Variants in DNAH10 observed in about 807,000 individuals in gnomAD.
The protein encoded by DNAH10 is axonemal beta dynein heavy chain 10.
In DNAH10, 348 loss-of-function variants were observed where a neutral mutation model predicts 506.6. That is an observed-to-expected ratio of 0.69 (90% CI 0.63 to 0.75). DNAH10 has a LOEUF of 0.75. DNAH10 is among the 30% of genes least tolerant of loss of function. DNAH10 has a pLI of 0.00. For missense variants in DNAH10, 5,179 were observed against 5,787.1 expected (o/e 0.89, Z 3.41); for synonymous variants, 2,059 against 2,198.6 (o/e 0.94, Z 1.78).
At position 123,909,293 on chromosome 12, in the gene DNAH10, C is replaced by G. The variant is rs191384577; in HGVS notation, c.9848C>G (p.Thr3283Arg). 41 of 1,613,340 alleles carry G rather than the reference C, an allele frequency of 2.5e-5. No homozygotes were observed. Among genetic ancestry groups the G allele is most frequent in the Non-Finnish European group, 3.3e-5 (39 of 1,179,766 alleles). Residue 3283 changes from threonine (T) to arginine (R), a missense_variant, in exon 58 of 79, where the codon ACG becomes AGG. Physicochemically the swap from Thr to Arg is moderately conservative, Grantham distance 71. Transcript: ENST00000673944. This position sits in a 1 kb window ranked among gnomAD's most constrained non-coding sequence, Gnocchi z 5.4. ...GCTAAGCCCCCGAAGCAGGTGCAGA[C>G]GGTCTGCGAATGCATCCTCATCATG... ...SFAKPPKQVQ[T>R]VCECILIMKG...
At chr12:123,793,125 G>A (rs908058943) in intron 11 of DNAH10, among the ~76,000 whole-genome samples, 7 of 152,082 alleles carry the variant, frequency 4.6e-5, no homozygotes, top group African/African-American at 1.4e-4. Flanking sequence ...AGAATGGAGT[G>A]GGGGTGGGAG....
chr12:123,908,480 C>T, intron 57 of DNAH10: 2 of 456,252 alleles, frequency 4.4e-6, no homozygotes, highest in South Asian at 1.5e-5. Flanking sequence ...TGTTCTCTTC[C>T]ACTTCTGTCT....
At chr12:123,894,843 A>G in intron 54 of DNAH10, 120 bp downstream of exon 54, 1 of 854,984 alleles carries the variant, frequency 1.2e-6, no homozygotes, top group East Asian at 2.7e-5. Flanking sequence ...ATGGTAACAA[A>G]TGGCTTTCAA....
At chr12:123,782,341 C>CTCCCT (rs1489276785) in intron 6 of DNAH10, among the ~76,000 whole-genome samples, 18 of 128,462 alleles carry the variant, frequency 1.4e-4, no homozygotes. Context: ...CTCCCCTCCC[C>CTCCCT]TCCCCTCCCC....
chr12:123,898,007 T>A, intron 55 of DNAH10, 40 bp downstream of exon 55: 10 of 1,507,152 alleles, frequency 6.6e-6, no homozygotes, highest in Non-Finnish European at 8.8e-6. Context: ...AAGTCATTAT[T>A]ATTTATGGGT....
intron 24 of DNAH10, 106 bp from the exon 25 acceptor site, chr12:123,826,581 T>TAATA: frequency 1.1e-6 from 1 of 941,032 alleles, no homozygotes; most frequent in Non-Finnish European, 1.6e-6. Flanking sequence ...GATAGATGGG[T>TAATA]AATACTTTAA....
rs1955460860 is a variant in DNAH10, at chr12:123,935,562, C to A, written c.*81C>A. 3.5e-6 allele frequency: 5 copies of A among 1,425,156 alleles called. No homozygotes were observed. The highest frequency in any genetic ancestry group is 4.8e-6 in the Non-Finnish European group (5 of 1,051,874). 88.3% of individuals were successfully genotyped at this position (1,425,156 alleles called of 1,614,324 possible). On this transcript the variant is annotated 3_prime_UTR_variant, in exon 79 of 79. Coordinates refer to ENST00000673944, the MANE Select transcript of DNAH10 (RefSeq NM_001372106.1). ...TCGGGTCTGCTGTCATTTCTTGGGG[C>A]CTCTCAAGAGGCAGGAGGGGGACTG...
intron 2 of DNAH10, among the ~76,000 whole-genome samples, chr12:123,770,971 ATTC>A (rs1473249533): frequency 1.7e-5 from 2 of 117,888 alleles, no homozygotes; most frequent in Admixed American, 1.1e-4. Flanking sequence ...GCTAGCTGTA[ATTC>A]TTTTTTTTTT....
Position 123,799,254 on chromosome 12 carries a change from A to G in DNAH10, c.2172A>G (p.Gln724=), listed in dbSNP as rs118049936. Reference sequence around the variant, plus strand: ...CTTGAATTCTTTGATAGGTCAAACAAAAATATTTGGAAGTAGGTAGGACAA... The same window carrying G: ...CTTGAATTCTTTGATAGGTCAAACAGAAATATTTGGAAGTAGGTAGGACAA... ...LDSDRGQEVK[Q]KYLEVGRTMK... The change falls in exon 14 of 79, where the codon CAA becomes CAG. Residue 724 remains glutamine (Q), a synonymous_variant. Coordinates refer to ENST00000673944, the MANE Select transcript of DNAH10 (RefSeq NM_001372106.1). 15,287 of 1,607,032 alleles carry G rather than the reference A, an allele frequency of 9.5e-3. 115 individuals carry two copies. Among genetic ancestry groups the G allele is most frequent in the Non-Finnish European group, 0.011 (13,138 of 1,175,340 alleles).
At chr12:123,823,024 C>G (rs1459861663) in intron 24 of DNAH10, among the ~76,000 whole-genome samples, 1 of 152,210 alleles carries the variant, frequency 6.6e-6, no homozygotes, top group African/African-American at 2.4e-5. Flanking sequence ...AATAACCACG[C>G]CCCCAAGATA....
chr12:123,877,712 G>GA (rs756955081), intron 47 of DNAH10, 24 bp from the exon 48 acceptor site: 4 of 1,601,452 alleles, frequency 2.5e-6, no homozygotes, highest in Non-Finnish European at 3.4e-6. Flanking sequence ...TGTGTGTTGG[G>GA]GGGGGTGTCT....
At chr12:123,822,713 T>G (rs188418802) in intron 24 of DNAH10, among the ~76,000 whole-genome samples, 1 of 152,182 alleles carries the variant, frequency 6.6e-6, no homozygotes, top group Admixed American at 6.5e-5. Context: ...TGGTCTGCAG[T>G]TGGCAAGCTA....
At position 123,762,808 on chromosome 12, in the gene DNAH10, C is replaced by T. The variant is rs7968274; in HGVS notation, c.214+258C>T. Among the ~76,000 whole-genome samples the T allele has an allele frequency of 0.015, 2,277 of 152,334 alleles. 45 individuals are homozygous for T. Among genetic ancestry groups the T allele is most frequent in the African/African-American group, 0.052 (2,181 of 41,574 alleles). On this transcript the variant is annotated intron_variant, in intron 1 of 78. Transcript: ENST00000673944. This position sits in a 1 kb window ranked among gnomAD's most constrained non-coding sequence, Gnocchi z 5.0. ...ACAGCAAACACTGACTTAGCCCGCA[C>T]CCCGTGCCAGGTGCGGTTCCAACGC... is the stretch of plus-strand genomic sequence containing the variant.
At chr12:123,781,057 A>T in intron 5 of DNAH10, 23 bp from the exon 6 acceptor site, 1 of 1,572,110 alleles carries the variant, frequency 6.4e-7, no homozygotes. Flanking sequence ...CATATGATGT[A>T]TTTCATAAAA....
chr12:123,796,643 G>C lies in DNAH10; in HGVS notation c.1987-13G>C. On this transcript the variant is annotated splice_polypyrimidine_tract_variant and intron_variant, in intron 12 of 78. Transcript: ENST00000673944. ...TGTTTATCACTTACAGAAGCTGTTT[G>C]ATTGCTTTTCAGATTGACATCATTA... The C allele has an allele frequency of 1.3e-6, 2 of 1,586,768 alleles. No individual in the cohort carries two copies. The highest frequency in any genetic ancestry group is 1.8e-5 in the Admixed American group (1 of 57,132).
chr12:123,773,528 A>G (rs1957332780), intron 4 of DNAH10, among the ~76,000 whole-genome samples: 1 of 152,206 alleles, frequency 6.6e-6, no homozygotes, highest in African/African-American at 2.4e-5. Flanking sequence ...TCACCAACAA[A>G]CATCTATTTC....
chr12:123,877,784 A>G lies in DNAH10; in HGVS notation c.8248A>G (p.Thr2750Ala). ...TGTGAGTGGCAAGCTGACATTCTGC[A>G]CGCTAGCACTTTACAAAAATATTGT... Reference protein sequence around the residue: ...VAVSGKLTFCTLALYKNIVQD... With the variant: ...VAVSGKLTFCALALYKNIVQD... Residue 2750 changes from threonine to alanine, a missense_variant, in exon 48 of 79, where the codon ACG becomes GCG. This residue lies in a region of DNAH10 where 4,844 missense variants were observed against 5,430.5 expected (regional missense o/e 0.89). Coordinates refer to ENST00000673944, the MANE Select transcript of DNAH10 (RefSeq NM_001372106.1). The G allele has an allele frequency of 6.2e-7, 1 of 1,613,844 alleles. No homozygotes were observed. The highest frequency in any genetic ancestry group is 2.2e-5 in the East Asian group (1 of 44,880).
intron 76 of DNAH10, 83 bp from the exon 77 acceptor site, chr12:123,933,248 A>G (rs1566128023): frequency 7.8e-7 from 1 of 1,281,580 alleles, no homozygotes; most frequent in African/African-American, 1.5e-5. Context: ...GTCTTTTATC[A>G]TAAACTAAAC....
At position 123,808,957 on chromosome 12, in the gene DNAH10, A is replaced by T; in HGVS notation, c.3144+4A>T. On this transcript the variant is annotated splice_donor_region_variant and intron_variant, in intron 19 of 78. Coordinates refer to ENST00000673944, the MANE Select transcript of DNAH10 (RefSeq NM_001372106.1). Reference sequence around the variant, plus strand: ...GAATTGCGTGGAGATCACCAAGGTGAGAGCGGAGGTGCTTGTGTCCTTGCT... The same window carrying T: ...GAATTGCGTGGAGATCACCAAGGTGTGAGCGGAGGTGCTTGTGTCCTTGCT... The T allele has an allele frequency of 6.2e-7, 1 of 1,613,966 alleles. No individual in the cohort carries two copies. The highest frequency in any genetic ancestry group is 8.5e-7 in the Non-Finnish European group (1 of 1,179,946).
Sources: allele counts gnomAD v4.1 joint callset (sites outside exome capture counted in the v4.1 genomes callset), GRCh38; gene constraint gnomAD v4.1.1; regional missense constraint gnomAD v4.1.1; non-coding constraint Gnocchi (gnomAD v3.1); transcripts MANE v1.5; gene names NCBI Gene and HGNC (gene_info 2026-07-23, HGNC 2026-07-21).